The following SLC12A5 variants were observed in gnomAD, a reference collection of about 807,000 sequenced individuals.
SLC12A5 encodes K-Cl cotransporter 2.
A neutral mutation model predicts 124.0 loss-of-function variants in SLC12A5; 18 were observed. That is an observed-to-expected ratio of 0.15 (90% confidence interval 0.10 to 0.22). The LOEUF (loss-of-function observed/expected upper bound fraction) is 0.22, where lower values mean the gene tolerates loss of function less well. Among genes scored for constraint, SLC12A5 ranks in the 10% least tolerant of loss-of-function variants. SLC12A5 has a pLI of 1.00. For synonymous variants in SLC12A5, 589 were observed against 568.0 expected, an observed-to-expected ratio of 1.04 and a Z score of -0.53; for missense variants, 867 against 1,478.7, an observed-to-expected ratio of 0.59 and a Z score of 6.78.
At chr20:46,038,168 C>G (rs1251777244) in intron 6 of SLC12A5, 1 of 152,200 alleles carries the variant, frequency 6.6e-6, no homozygotes, top group East Asian at 1.9e-4. Context: ...ATGACTCTCT[C>G]ATGAGTTAAA....
At chr20:46,051,956 TG>T in intron 18 of SLC12A5, 86 bp downstream of exon 18, 1 of 1,201,022 alleles carries the variant, frequency 8.3e-7, no homozygotes, top group Non-Finnish European at 1.1e-6. Flanking sequence ...CCTTTGGGCC[TG>T]AGGGGTTTCC....
chr20:46,036,400 A>G (rs1022297088), intron 4 of SLC12A5, among the ~76,000 whole-genome samples: 2 of 152,220 alleles, frequency 1.3e-5, no homozygotes, highest in African/African-American at 4.8e-5. Context: ...TGAGGTACGC[A>G]GTGTCGGAGC....
At chr20:46,031,987 T>C (rs1034983190) in intron 1 of SLC12A5, among the ~76,000 whole-genome samples, 2 of 152,186 alleles carry the variant, frequency 1.3e-5, no homozygotes, top group African/African-American at 2.4e-5. Context: ...GGGGACGAAA[T>C]CAGCCCTGGC....
chr20:46,040,637 C>T (rs2084537179), intron 7 of SLC12A5, 23 bp downstream of exon 7: 1 of 1,610,774 alleles, frequency 6.2e-7, no homozygotes, highest in African/African-American at 1.3e-5. Flanking sequence ...GCTCTGAGCC[C>T]AAGGAATCGT....
chr20:46,039,600 C>A (rs2084527567), intron 6 of SLC12A5, among the ~76,000 whole-genome samples: 1 of 152,088 alleles, frequency 6.6e-6, no homozygotes, highest in Admixed American at 6.6e-5. Flanking sequence ...TACGGTGAAA[C>A]CCCGTCTCTA....
chr20:46,040,437 T>G lies in SLC12A5; in HGVS notation c.677T>G (p.Met226Arg). 1 of 1,614,268 alleles carries G rather than the reference T, an allele frequency of 6.2e-7. No homozygotes were observed. Among genetic ancestry groups the G allele is most frequent in the Non-Finnish European group, 8.5e-7 (1 of 1,180,050 alleles). The change falls in exon 7 of 26, where the codon ATG becomes AGG. Residue 226 changes from methionine to arginine, a missense_variant. Physicochemically the swap from Met to Arg is moderately conservative, Grantham distance 91 (BLOSUM62 -1). This residue lies in a region of SLC12A5 where 126 missense variants were observed against 291.6 expected (regional missense o/e 0.43). Transcript: ENST00000243964. ...GATGCCAGTGGGGAGGCAGCAGCCA[T>G]GCTGAACAACATGCGTGTTTACGGC... Reference protein sequence around the residue: ...AEDASGEAAAMLNNMRVYGTC... With the variant: ...AEDASGEAAARLNNMRVYGTC...
At chr20:46,026,198 A>T (rs183910549), upstream of SLC12A5, among the ~76,000 whole-genome samples, 1 of 152,340 alleles carries the variant, frequency 6.6e-6, no homozygotes, top group Non-Finnish European at 1.5e-5. Flanking sequence ...GACACTCAGG[A>T]GGCAGCTTCT....
chr20:46,046,236 C>T, intron 13 of SLC12A5, 102 bp from the exon 14 acceptor site: 1 of 1,119,208 alleles, frequency 8.9e-7, no homozygotes, highest in Non-Finnish European at 1.3e-6. Context: ...TGGCCACCTC[C>T]TGACTTCCTG....
rs2084495103 is a variant in SLC12A5 at position 46,035,971 on chromosome 20, C to A, written c.426+48C>A. 3 of 1,573,386 alleles carry A rather than the reference C, an allele frequency of 1.9e-6. No individual in the cohort carries two copies. The African/African-American group carries it at 4.0e-5, about 21-fold the overall frequency. On this transcript the variant is annotated intron_variant, in intron 4 of 25. Transcript: ENST00000243964. ...CCACCCCCTGACAGCTGGGGCTTGG[C>A]AGAGGCCTGGGGGTGGGAGGTGGGA...
intron 16 of SLC12A5, among the ~76,000 whole-genome samples, chr20:46,048,337 A>T (rs1183324187): frequency 6.6e-6 from 1 of 152,118 alleles, no homozygotes. Context: ...TCATCCATTC[A>T]TTCATTTCAT....
chr20:46,037,118 C>T (rs1419510500), intron 5 of SLC12A5, 137 bp from the exon 6 acceptor site: 18 of 1,304,502 alleles, frequency 1.4e-5, no homozygotes, highest in Non-Finnish European at 1.8e-5. Context: ...TCTCACCAGT[C>T]CCCTTTCTAG....
chr20:46,057,135 G>A lies in SLC12A5; in HGVS notation c.3126-35G>A. Reference sequence around the variant, plus strand: ...GGCTCCAATCTTCTCTACCCCCCCGGCTCACGCGGTCTCCACTCCTCCTTC... The same window carrying A: ...GGCTCCAATCTTCTCTACCCCCCCGACTCACGCGGTCTCCACTCCTCCTTC... On this transcript the variant is annotated intron_variant, in intron 24 of 25. Coordinates refer to ENST00000243964, the MANE Select transcript of SLC12A5 (RefSeq NM_020708.5). The surrounding 1 kb of genome is among the most constrained non-coding windows in gnomAD (Gnocchi z 7.1). The A allele has an allele frequency of 6.2e-7, 1 of 1,612,034 alleles. No individual in the cohort carries two copies.
At chr20:46,026,015 G>T (rs1230215591), upstream of SLC12A5, among the ~76,000 whole-genome samples, 1 of 152,184 alleles carries the variant, frequency 6.6e-6, no homozygotes, top group Middle Eastern at 3.2e-3. Flanking sequence ...CCCTTGTCCT[G>T]GTTCAGTGGA....
chr20:46,029,306 C>A lies in SLC12A5; in HGVS notation c.-39C>A. On this transcript the variant is annotated 5_prime_UTR_variant, in exon 1 of 26. Transcript: ENST00000243964. ...GGCGGGTAGAGGGGCGCGGGCGAGGCGGCGCAGCCATCCCCGGACCAGGGG... is the reference window on the plus strand; with the variant it reads ...GGCGGGTAGAGGGGCGCGGGCGAGGAGGCGCAGCCATCCCCGGACCAGGGG... The A allele has an allele frequency of 2.0e-6, 3 of 1,508,596 alleles. No homozygotes were observed. Among genetic ancestry groups the A allele is most frequent in the Non-Finnish European group, 2.7e-6 (3 of 1,128,444 alleles). 93.5% of individuals were successfully genotyped at this position (1,508,596 alleles called of 1,614,324 possible).
chr20:46,043,841 G>A, intron 10 of SLC12A5, 35 bp from the exon 11 acceptor site: 2 of 1,613,774 alleles, frequency 1.2e-6, no homozygotes, highest in Non-Finnish European at 8.5e-7. Flanking sequence ...GGGGAGGACT[G>A]AACCGTGGGG....
intron 8 of SLC12A5, among the ~76,000 whole-genome samples, 183 bp from the exon 9 acceptor site, chr20:46,042,969 TG>T (rs1460020880): frequency 2.0e-5 from 3 of 152,194 alleles, no homozygotes; most frequent in Non-Finnish European, 2.9e-5. Context: ...GTGAAAGGTC[TG>T]TACATAGCCT....
At chr20:46,041,163 G>GAA (rs11460894) in intron 7 of SLC12A5, 166 bp from the exon 8 acceptor site, 60,361 of 493,532 alleles carry the variant, frequency 0.12, 223 homozygotes, top group Admixed American at 0.15. Context: ...GGGAGCTTAA[G>GAA]AAAAAAAAAA....
chr20:46,036,048 T>C (rs2084495802), intron 4 of SLC12A5, 125 bp downstream of exon 4: 1 of 1,237,902 alleles, frequency 8.1e-7, no homozygotes, highest in African/African-American at 1.5e-5. Flanking sequence ...CTTATGATCT[T>C]TGAGAGTAAA....
At position 46,043,015 on chromosome 20, in the gene SLC12A5, A is replaced by C. The variant is rs558933515; in HGVS notation, c.1067-138A>C. The C allele has an allele frequency of 5.9e-6, 5 of 850,488 alleles. No homozygotes were observed. The African/African-American group carries it at 6.8e-5, about 12-fold the overall frequency. 52.7% of individuals were successfully genotyped at this position (850,488 alleles called of 1,614,324 possible). On this transcript the variant is annotated intron_variant, in intron 8 of 25. Transcript: ENST00000243964. The stretch of plus-strand genomic sequence containing the variant: ...CAGGAGCTTAGGAAATGTCAGTGGA[A>C]ATGAAATAGAGATAAGGCCGGGGAG...
Sources: gnomAD v4.1 joint callset for allele counts (sites outside exome capture counted in the v4.1 genomes callset) on GRCh38, gnomAD v4.1.1 for gene constraint, gnomAD v4.1.1 regional missense constraint, Gnocchi (gnomAD v3.1) non-coding constraint, MANE v1.5 for transcripts, NCBI Gene and HGNC (gene_info 2026-07-23, HGNC 2026-07-21) for gene names.